CDH7: variants seen among roughly 807,000 people sequenced by gnomAD.
The protein encoded by CDH7 is cadherin-7.
A neutral mutation model predicts 71.8 loss-of-function variants in CDH7; 25 were observed. The observed-to-expected ratio is 0.35, with a 90% CI of 0.25 to 0.49. The LOEUF is 0.49. Among genes scored for constraint, CDH7 ranks in the 20% least tolerant of loss-of-function variants. The pLI, the probability that CDH7 is intolerant of heterozygous loss-of-function variation, is 0.99. For synonymous variants in CDH7, 381 were observed against 363.8 expected, an observed-to-expected ratio of 1.05 and a Z score of -0.54; for missense variants, 862 against 974.6, an observed-to-expected ratio of 0.88 and a Z score of 1.54.
In CDH7 at chr18:65,859,976, G is replaced by T. The variant is rs1235964757; in HGVS notation, c.1612+151G>T. On this transcript the variant is annotated intron_variant, in intron 10 of 11. Transcript: ENST00000397968. The stretch of plus-strand genomic sequence containing the variant: ...GCACCTCAAGTAATTTTTATCTATG[G>T]ATTTACTATCATGAAGGAAAAGCTG... 2.2e-5 allele frequency: 12 copies of T among 556,540 alleles called. No homozygotes were observed. In the Admixed American group the frequency reaches 3.7e-4, roughly 17 times the overall value. 34.5% of individuals were successfully genotyped at this position (556,540 alleles called of 1,614,324 possible). A position where few individuals can be genotyped will look rare whatever the true frequency, so the allele number is the denominator to read the frequency against.
intron 2 of CDH7, among the ~76,000 whole-genome samples, chr18:65,785,097 G>A (rs1910463961): frequency 1.3e-5 from 2 of 152,018 alleles, no homozygotes; most frequent in Admixed American, 6.6e-5. Context: ...AACTTATTGC[G>A]ACAATCCACT....
intron 1 of CDH7, among the ~76,000 whole-genome samples, chr18:65,760,288 C>T (rs1054951186): frequency 2.0e-5 from 3 of 152,146 alleles, no homozygotes; most frequent in Non-Finnish European, 2.9e-5. Context: ...ATCTCTGGAA[C>T]GTCTTAGAAT....
chr18:65,814,660 T>G, intron 4 of CDH7, 56 bp downstream of exon 4: 1 of 1,472,718 alleles, frequency 6.8e-7, no homozygotes, highest in Non-Finnish European at 9.3e-7. Flanking sequence ...CTGCTTAGAA[T>G]TAATATTATT....
Position 65,887,937 on chromosome 18 carries a change from AC to A in CDH7, c.*7044del, listed in dbSNP as rs1335401437. 6.6e-6 allele frequency: 1 copy of A among 152,150 alleles called. No individual in the cohort carries two copies. The highest frequency in any genetic ancestry group is 1.5e-5 in the Non-Finnish European group (1 of 68,014). The allele number at this position is 152,150 out of a possible 1,614,324, so 9.4% of individuals were successfully genotyped here. The stretch of plus-strand genomic sequence containing the variant: ...TTATAATTACATTAAAAAGAAAACC[AC>A]TTTTATAATATTTTTGCTTATGTAA... On this transcript the variant is annotated 3_prime_UTR_variant, in exon 12 of 12. Coordinates refer to ENST00000397968, the MANE Select transcript of CDH7 (RefSeq NM_004361.5).
intron 11 of CDH7, chr18:65,866,315 C>CAAAAAAA (rs1568228989): frequency 1.5e-3 from 2 of 1,358 alleles, no homozygotes; most frequent in Admixed American, 0.021. Context: ...AAAAAAAAAA[C>CAAAAAAA]AAAAAAAAAA....
chr18:65,811,737 T>G (rs1224557983), intron 3 of CDH7, among the ~76,000 whole-genome samples: 2 of 152,148 alleles, frequency 1.3e-5, no homozygotes, highest in African/African-American at 2.4e-5. Context: ...ATTTTGGTTG[T>G]TCTTCATTGG....
chr18:65,861,008 G>A (rs774408208), intron 10 of CDH7, among the ~76,000 whole-genome samples: 8 of 152,104 alleles, frequency 5.3e-5, no homozygotes, highest in Non-Finnish European at 1.0e-4. Flanking sequence ...GGTTCATCTG[G>A]TACAAGTGCA....
chr18:65,808,465 ATT>A, intron 2 of CDH7, among the ~76,000 whole-genome samples: 1 of 152,228 alleles, frequency 6.6e-6, no homozygotes, highest in Non-Finnish European at 1.5e-5. Context: ...AAAAAGTTAA[ATT>A]ATAACTTGTG....
chr18:65,842,839 TA>T (rs879578708), intron 6 of CDH7, among the ~76,000 whole-genome samples: 8,152 of 112,036 alleles, frequency 0.073, 275 homozygotes, highest in South Asian at 0.23. Flanking sequence ...TATTTTTCAG[TA>T]TTCCTGTAAA....
chr18:65,757,382 T>G (rs781164367), intron 1 of CDH7, among the ~76,000 whole-genome samples: 2 of 152,170 alleles, frequency 1.3e-5, no homozygotes, highest in Admixed American at 6.5e-5. Context: ...TTTTACCTCT[T>G]GTTTTTTCTT....
intron 7 of CDH7, among the ~76,000 whole-genome samples, chr18:65,847,748 C>A (rs1912982341): frequency 6.6e-6 from 1 of 152,042 alleles, no homozygotes; most frequent in Admixed American, 6.6e-5. Flanking sequence ...AAACCCAAAC[C>A]CCAGTAACTG....
intron 9 of CDH7, among the ~76,000 whole-genome samples, chr18:65,859,324 G>A (rs565315723): frequency 7.2e-5 from 11 of 152,304 alleles, no homozygotes; most frequent in African/African-American, 1.7e-4. Context: ...AGACAGCATA[G>A]TACGCTGATT....
At chr18:65,783,017 G>C (rs142989011) in intron 2 of CDH7, among the ~76,000 whole-genome samples, 254 of 152,298 alleles carry the variant, frequency 1.7e-3, no homozygotes, top group African/African-American at 5.9e-3. Flanking sequence ...GGATAGATAG[G>C]GGTGTTGCTT....
At chr18:65,776,886 A>C (rs1909967479) in intron 2 of CDH7, among the ~76,000 whole-genome samples, 1 of 152,204 alleles carries the variant, frequency 6.6e-6, no homozygotes, top group Non-Finnish European at 1.5e-5. Flanking sequence ...TGCAGGGAAA[A>C]GGTGCTGAAT....
At chr18:65,866,546 G>A (rs1388135282) in intron 11 of CDH7, 5 of 152,104 alleles carry the variant, frequency 3.3e-5, no homozygotes, top group Non-Finnish European at 7.3e-5. Flanking sequence ...ACCTTACAGA[G>A]GGAAAACTTG....
chr18:65,876,989 A>G (rs578010947), intron 11 of CDH7, among the ~76,000 whole-genome samples: 5 of 152,356 alleles, frequency 3.3e-5, no homozygotes, highest in African/African-American at 1.2e-4. Context: ...GAAATGATAA[A>G]ACCTCTTAAA....
chr18:65,877,153 A>T (rs1240936564), intron 11 of CDH7, among the ~76,000 whole-genome samples: 1 of 152,172 alleles, frequency 6.6e-6, no homozygotes, highest in African/African-American at 2.4e-5. Flanking sequence ...ATTTTCTGAG[A>T]TCATTCAAAT....
At chr18:65,827,826 T>G (rs1230215532) in intron 6 of CDH7, among the ~76,000 whole-genome samples, 1 of 151,950 alleles carries the variant, frequency 6.6e-6, no homozygotes, top group Non-Finnish European at 1.5e-5. Flanking sequence ...TTCATCATGA[T>G]AGGATGCATG....
intron 1 of CDH7, among the ~76,000 whole-genome samples, chr18:65,757,505 G>C (rs1196190417): frequency 2.0e-5 from 3 of 152,060 alleles, no homozygotes; most frequent in South Asian, 2.1e-4. Context: ...ATTTCAGTTT[G>C]TAAAACATGG....
Sources: gnomAD v4.1 joint callset for allele counts (sites outside exome capture counted in the v4.1 genomes callset) on GRCh38, gnomAD v4.1.1 for gene constraint, MANE v1.5 for transcripts, NCBI Gene and HGNC (gene_info 2026-07-23, HGNC 2026-07-21) for gene names.